SMG6: variants seen among roughly 807,000 people sequenced by gnomAD.
The protein encoded by SMG6 is SMG6 nonsense mediated mRNA decay factor.
SMG6 carries 66 observed loss-of-function variants against 142.2 expected under a neutral mutation model. The observed-to-expected ratio is 0.46, with a 90% CI of 0.38 to 0.57. The LOEUF (loss-of-function observed/expected upper bound fraction) is 0.57, where lower values mean the gene tolerates loss of function less well. Ranked by LOEUF, SMG6 falls within the 20% of genes least tolerant of loss-of-function variation. The pLI is 0.00. For synonymous variants in SMG6, 779 were observed against 702.4 expected (o/e 1.11, Z -1.72); for missense variants, 1,793 against 1,832.0 (o/e 0.98, Z 0.39).
chr17:2,114,821 C>A (rs2069446969), intron 13 of SMG6, among the ~76,000 whole-genome samples: 1 of 151,334 alleles, frequency 6.6e-6, no homozygotes, highest in South Asian at 2.1e-4. Flanking sequence ...CCCAGCTACT[C>A]AGGAGGCTGA....
chr17:2,303,446 C>A, intron 1 of SMG6, 187 bp downstream of exon 1: 2 of 1,303,358 alleles, frequency 1.5e-6, no homozygotes, highest in Non-Finnish European at 9.7e-7. Flanking sequence ...CAGGACTGGC[C>A]GAGCCCGACC....
chr17:2,287,979 C>T (rs1310541283), intron 6 of SMG6, among the ~76,000 whole-genome samples: 1 of 152,172 alleles, frequency 6.6e-6, no homozygotes, highest in Non-Finnish European at 1.5e-5. Context: ...CGTTACACTA[C>T]AATATGAATG....
intron 13 of SMG6, among the ~76,000 whole-genome samples, chr17:2,115,521 C>G (rs940227027): frequency 6.6e-6 from 1 of 152,072 alleles, no homozygotes; most frequent in African/African-American, 2.4e-5. Context: ...GAAGAAGATA[C>G]AGTATAGAAA....
intron 10 of SMG6, among the ~76,000 whole-genome samples, chr17:2,213,471 C>T (rs941464150): frequency 2.0e-5 from 3 of 152,094 alleles, no homozygotes; most frequent in African/African-American, 4.8e-5. Context: ...GGCGGGCAGA[C>T]GTTGGTGCGA....
In SMG6 at chr17:2,300,625, T is replaced by C. The variant is rs769715041; in HGVS notation, c.128A>G (p.Asp43Gly). The change falls in exon 2 of 19, where the codon GAT becomes GGT. Residue 43 changes from aspartate to glycine, a missense_variant. By Grantham distance (94) the Asp-to-Gly change is moderately conservative. Coordinates refer to ENST00000263073, the MANE Select transcript of SMG6 (RefSeq NM_017575.5). ...GATTTCCAGATCTGGACGCCTGTTATCTTTGCGCGGCCTGGCCTCCTTTAA... is the reference window on the plus strand; with the variant it reads ...GATTTCCAGATCTGGACGCCTGTTACCTTTGCGCGGCCTGGCCTCCTTTAA... ...KELKEARPRK[D>G]NRRPDLEIYK... The C allele has an allele frequency of 5.0e-6, 8 of 1,606,736 alleles. No individual in the cohort carries two copies. The highest frequency in any genetic ancestry group is 6.8e-6 in the Non-Finnish European group (8 of 1,177,692).
chr17:2,211,852 A>G (rs1597612056), intron 10 of SMG6, among the ~76,000 whole-genome samples: 1 of 151,904 alleles, frequency 6.6e-6, no homozygotes, highest in Non-Finnish European at 1.5e-5. Flanking sequence ...GTGGCTGGGG[A>G]TCCCCACATC....
chr17:2,299,531 T>C lies in SMG6; in HGVS notation c.1222A>G (p.Ile408Val). The C allele has an allele frequency of 6.2e-7, 1 of 1,614,148 alleles. No homozygotes were observed. The highest frequency in any genetic ancestry group is 8.5e-7 in the Non-Finnish European group (1 of 1,180,032). ...GTGGTATGGGCAGGCAAAATCAGAA[T>C]GCCACGACCACGACCCCGAAGTTCT... is the stretch of plus-strand genomic sequence containing the variant. ...KQELRGRGRGILILPAHTTLS... is the reference protein window; with the variant it reads ...KQELRGRGRGVLILPAHTTLS... Residue 408 changes from isoleucine to valine, a missense_variant, in exon 2 of 19, where the codon ATT (isoleucine) becomes GTT (valine). By Grantham distance (29) the Ile-to-Val change is conservative (BLOSUM62 3). This residue lies in a region of SMG6 where 1,597 missense variants were observed against 1,584.6 expected (regional missense o/e 1.01). Transcript: ENST00000263073. The surrounding 1 kb of genome is among the most constrained non-coding windows in gnomAD (Gnocchi z 4.3).
At position 2,298,031 on chromosome 17, in the gene SMG6, C is replaced by T; in HGVS notation, c.1872G>A (p.Glu624=). ...ACTCAATATCTAATAGAATACAGCG[C>T]TCATATAGCTGCAGCAGTTCAGCTC... ...QLRAELLQLY[E]RCILLDIEFS... The change falls in exon 3 of 19, where the codon GAG becomes GAA. Residue 624 remains glutamate, a synonymous_variant. Transcript: ENST00000263073. 1 of 1,609,422 alleles carries T rather than the reference C, an allele frequency of 6.2e-7. No individual in the cohort carries two copies. The highest frequency in any genetic ancestry group is 1.3e-5 in the African/African-American group (1 of 74,876).
chr17:2,085,577 C>G lies in SMG6; in HGVS notation c.3534+148G>C, dbSNP rs2068538226. 1.3e-6 allele frequency: 1 copy of G among 786,976 alleles called. No homozygotes were observed. Among genetic ancestry groups the G allele is most frequent in the African/African-American group, 1.7e-5 (1 of 57,308 alleles). 48.7% of individuals were successfully genotyped at this position (786,976 alleles called of 1,614,324 possible). On this transcript the variant is annotated intron_variant, in intron 14 of 18. Transcript: ENST00000263073. The surrounding 1 kb of genome is among the most constrained non-coding windows in gnomAD (Gnocchi z 4.1). The stretch of plus-strand genomic sequence containing the variant: ...GTGGACTGGCAGGAAGGGGCACCAT[C>G]AGAGCACACTCTCGAGAAGCTGGCT...
At chr17:2,231,456 G>A (rs1183005629) in intron 10 of SMG6, among the ~76,000 whole-genome samples, 1 of 152,164 alleles carries the variant, frequency 6.6e-6, no homozygotes, top group Non-Finnish European at 1.5e-5. Flanking sequence ...CCAGTAATTT[G>A]GGAGGCCGAG....
intron 13 of SMG6, among the ~76,000 whole-genome samples, chr17:2,129,664 C>T (rs961026702): frequency 1.3e-5 from 2 of 151,226 alleles, no homozygotes; most frequent in African/African-American, 2.4e-5. Context: ...CGTGGTGGTG[C>T]GCTCCTGTAA....
Position 2,168,019 on chromosome 17 carries a change from C to T in SMG6, c.3357+4639G>A, listed in dbSNP as rs531783875. ...AGTAGCTGGGACTACAGGCGCTTGC[C>T]ACCACACCTGGCTGTTTTTAAACTT... On this transcript the variant is annotated intron_variant, in intron 13 of 18. Coordinates refer to ENST00000263073, the MANE Select transcript of SMG6 (RefSeq NM_017575.5). Among the ~76,000 whole-genome samples the T allele has an allele frequency of 1.2e-3, 177 of 152,136 alleles. 3 individuals carry two copies. The highest frequency in any genetic ancestry group is 4.0e-3 in the African/African-American group (167 of 41,508).
At chr17:2,211,878 A>G (rs1416208155) in intron 10 of SMG6, among the ~76,000 whole-genome samples, 1 of 151,998 alleles carries the variant, frequency 6.6e-6, no homozygotes, top group African/African-American at 2.4e-5. Flanking sequence ...CTCTCGCTCC[A>G]ACTCTTCCTG....
chr17:2,204,960 C>CT (rs1207372507), intron 10 of SMG6, among the ~76,000 whole-genome samples: 1 of 152,152 alleles, frequency 6.6e-6, no homozygotes, highest in Non-Finnish European at 1.5e-5. Context: ...AAAACTCTGC[C>CT]TTAATAGTAA....
chr17:2,200,232 T>C (rs1397320260), intron 10 of SMG6, among the ~76,000 whole-genome samples: 1 of 152,116 alleles, frequency 6.6e-6, no homozygotes, highest in African/African-American at 2.4e-5. Flanking sequence ...AAAAAAACTT[T>C]TTGTTTTTTT....
At chr17:2,291,209 T>TA in intron 6 of SMG6, among the ~76,000 whole-genome samples, 1 of 151,942 alleles carries the variant, frequency 6.6e-6, no homozygotes, top group Non-Finnish European at 1.5e-5. Flanking sequence ...CGGGCGCCTG[T>TA]AGTCCCAGCT....
At position 2,208,121 on chromosome 17, in the gene SMG6, C is replaced by T. The variant is rs982263334; in HGVS notation, c.2870-19606G>A. Among the ~76,000 whole-genome samples, 6 of 152,036 alleles carry T rather than the reference C, an allele frequency of 3.9e-5. No homozygotes were observed. In the East Asian group the frequency reaches 7.7e-4, roughly 20 times the overall value. On this transcript the variant is annotated intron_variant, in intron 10 of 18. Transcript: ENST00000263073. ...TCCAGCCTGGGCGACAGAGGGAGACCGTGTCTCTCTAAAATAAATAAATAA... is the reference window on the plus strand; with the variant it reads ...TCCAGCCTGGGCGACAGAGGGAGACTGTGTCTCTCTAAAATAAATAAATAA...
At chr17:2,175,328 G>A (rs1257262064) in intron 12 of SMG6, among the ~76,000 whole-genome samples, 4 of 152,206 alleles carry the variant, frequency 2.6e-5, no homozygotes, top group Non-Finnish European at 5.9e-5. Flanking sequence ...GCAGGACATA[G>A]TTGGGGGTTG....
intron 1 of SMG6, 198 bp downstream of exon 1, chr17:2,303,435 C>T: frequency 7.7e-7 from 1 of 1,293,798 alleles, no homozygotes; most frequent in Non-Finnish European, 9.8e-7. Flanking sequence ...CCGGAGCTGG[C>T]CAGGACTGGC....
Sources: gnomAD v4.1 joint callset for allele counts (sites outside exome capture counted in the v4.1 genomes callset) on GRCh38, gnomAD v4.1.1 for gene constraint, gnomAD v4.1.1 regional missense constraint, Gnocchi (gnomAD v3.1) non-coding constraint, MANE v1.5 for transcripts, NCBI Gene and HGNC (gene_info 2026-07-23, HGNC 2026-07-21) for gene names.